Variants in FAM209A observed in about 807,000 individuals in gnomAD.
FAM209A encodes family with sequence similarity 209 member A.
Under a neutral mutation model 9.8 loss-of-function variants are expected in FAM209A, and 4 were observed. The ratio of observed to expected loss-of-function variants is 0.41; its 90% CI spans 0.20 to 0.94. The LOEUF (loss-of-function observed/expected upper bound fraction) is 0.94, where lower values mean the gene tolerates loss of function less well. Among genes scored for constraint, FAM209A ranks in the 40% least tolerant of loss-of-function variants. FAM209A has a pLI of 0.32. For synonymous variants in FAM209A, 55 were observed against 77.8 expected, an observed-to-expected ratio of 0.71 and a Z score of 1.54; for missense variants, 205 against 209.4, an observed-to-expected ratio of 0.98 and a Z score of 0.13.
chr20:56,525,143 C>T, intron 1 of FAM209A, 86 bp downstream of exon 1: 2 of 1,554,672 alleles, frequency 1.3e-6, no homozygotes, highest in Non-Finnish European at 1.7e-6. Flanking sequence ...GTCTAGACGG[C>T]ACCGTTGGGT....
chr20:56,525,684 C>T (rs2146395811), intron 1 of FAM209A, 120 bp from the exon 2 acceptor site: 1 of 1,039,974 alleles, frequency 9.6e-7, no homozygotes, highest in South Asian at 1.5e-5. Flanking sequence ...GTGCGAATAT[C>T]TTCAGCTTTG....
At chr20:56,527,582 C>A (rs181250672), downstream of FAM209A, among the ~76,000 whole-genome samples, 895 of 152,344 alleles carry the variant, frequency 5.9e-3, 39 homozygotes, top group Admixed American at 0.052. Context: ...CCCAGTTGAC[C>A]AGTGCTGTCA....
chr20:56,532,403 A>C, the FAM209A span, among the ~76,000 whole-genome samples: 1 of 151,970 alleles, frequency 6.6e-6, no homozygotes, highest in African/African-American at 2.4e-5. Context: ...TGGCTCTAGC[A>C]GAAGACTGGT....
At chr20:56,532,275 C>T in the FAM209A span, among the ~76,000 whole-genome samples, 1 of 151,330 alleles carries the variant, frequency 6.6e-6, no homozygotes, top group Non-Finnish European at 1.5e-5. Context: ...AGGCCTGGCT[C>T]CAAAGTATAC....
chr20:56,531,933 C>G, the FAM209A span, among the ~76,000 whole-genome samples: 2 of 147,970 alleles, frequency 1.4e-5, no homozygotes, highest in Non-Finnish European at 3.0e-5. Context: ...CTGTGCCTGG[C>G]CCAATGTATA....
chr20:56,533,550 T>G, the FAM209A span: 36 of 1,614,040 alleles, frequency 2.2e-5, no homozygotes, highest in African/African-American at 4.8e-4. Flanking sequence ...GTTGTGCCGT[T>G]TGTGATACTG....
the FAM209A span, among the ~76,000 whole-genome samples, chr20:56,532,757 C>A: frequency 6.6e-6 from 1 of 152,176 alleles, no homozygotes; most frequent in Admixed American, 6.5e-5. Flanking sequence ...GCTGGGATTA[C>A]AGGCGTGAGC....
downstream of FAM209A, among the ~76,000 whole-genome samples, chr20:56,528,283 C>CAAAATA (rs1187672400): frequency 1.3e-5 from 2 of 151,122 alleles, no homozygotes; most frequent in African/African-American, 4.9e-5. Context: ...ACCCTGTCTT[C>CAAAATA]AAAATAAAAA....
chr20:56,528,160 G>A (rs984691846), downstream of FAM209A, among the ~76,000 whole-genome samples: 1 of 151,962 alleles, frequency 6.6e-6, no homozygotes, highest in African/African-American at 2.4e-5. Context: ...CTGTGCACCT[G>A]TGGTCCCAGC....
chr20:56,529,698 G>A (rs6127781), downstream of FAM209A, among the ~76,000 whole-genome samples: 3,411 of 151,762 alleles, frequency 0.022, 556 homozygotes, highest in East Asian at 0.46. Flanking sequence ...GTGTGTTGGC[G>A]TGTGCCTGTA....
At chr20:56,531,295 CTTTG>C in the FAM209A span, among the ~76,000 whole-genome samples, 4 of 147,634 alleles carry the variant, frequency 2.7e-5, no homozygotes, top group Admixed American at 6.8e-5. Context: ...TTTCTTCTTT[CTTTG>C]TTTTTTTTTT....
chr20:56,528,106 C>CA (rs1009597436), downstream of FAM209A, among the ~76,000 whole-genome samples: 1 of 151,418 alleles, frequency 6.6e-6, no homozygotes, highest in South Asian at 2.1e-4. Flanking sequence ...GACTCTGTCT[C>CA]AAAAAAATAA....
At chr20:56,528,283 CAAAATA>C (rs1187672400), downstream of FAM209A, among the ~76,000 whole-genome samples, 1 of 151,122 alleles carries the variant, frequency 6.6e-6, no homozygotes, top group Non-Finnish European at 1.5e-5. Flanking sequence ...ACCCTGTCTT[CAAAATA>C]AAAATAAAAA....
chr20:56,532,778 G>A, the FAM209A span, among the ~76,000 whole-genome samples: 11 of 152,006 alleles, frequency 7.2e-5, no homozygotes, highest in Non-Finnish European at 1.2e-4. Context: ...TGCCGCGCCC[G>A]GCCACGCTCT....
chr20:56,525,496 T>TA (rs1375464292), intron 1 of FAM209A, among the ~76,000 whole-genome samples: 3 of 152,122 alleles, frequency 2.0e-5, no homozygotes, highest in Non-Finnish European at 2.9e-5. Context: ...GCTGAAGAGA[T>TA]AAAGATGTAA....
chr20:56,527,551 T>C (rs1344796176), downstream of FAM209A, among the ~76,000 whole-genome samples: 1 of 152,208 alleles, frequency 6.6e-6, no homozygotes, highest in Non-Finnish European at 1.5e-5. Context: ...AATGAGTGCA[T>C]AGGCATCTCT....
rs1985509783 is a variant in FAM209A at position 56,525,916 on chromosome 20, T to C, written c.362T>C (p.Val121Ala). Residue 121 changes from valine to alanine, a missense_variant, in exon 2 of 2, where the codon GTG becomes GCG. By Grantham distance (64) the Val-to-Ala change is moderately conservative. Transcript: ENST00000371328. ...TTCAATACCTTAATGGAACTCGAGG[T>C]GGAGCTTATGAAATTTGTGTCCAAA... ...CAFNTLMELE[V>A]ELMKFVSKVR... 2.5e-6 allele frequency: 4 copies of C among 1,614,018 alleles called. No homozygotes were observed.
the FAM209A span, among the ~76,000 whole-genome samples, chr20:56,532,480 C>CTTTTTTT: frequency 5.1e-4 from 55 of 108,234 alleles, 1 homozygote; most frequent in East Asian, 2.1e-3. Flanking sequence ...TTTTCTTTTT[C>CTTTTTTT]TTTTTTTTTT....
At chr20:56,528,574 C>T (rs1192339228), downstream of FAM209A, among the ~76,000 whole-genome samples, 4 of 151,964 alleles carry the variant, frequency 2.6e-5, no homozygotes, top group East Asian at 3.9e-4. Context: ...GCATTCCAGC[C>T]TGGGTGACAG....
Sources: gnomAD v4.1 joint callset for allele counts (sites outside exome capture counted in the v4.1 genomes callset) on GRCh38, gnomAD v4.1.1 for gene constraint, MANE v1.5 for transcripts, NCBI Gene and HGNC (gene_info 2026-07-23, HGNC 2026-07-21) for gene names.